The following CAMK2D variants were observed in gnomAD, a reference collection of about 807,000 sequenced individuals.
CAMK2D encodes calcium/calmodulin dependent protein kinase II delta, also known as calcium/calmodulin-dependent protein kinase type II subunit delta.
CAMK2D carries 37 observed loss-of-function variants against 84.0 expected under a neutral mutation model. The ratio of observed to expected loss-of-function variants is 0.44; its 90% CI spans 0.34 to 0.58. The LOEUF is 0.58. Among genes scored for constraint, CAMK2D ranks in the 20% least tolerant of loss-of-function variants. The pLI is 0.02. For missense variants in CAMK2D, 448 were observed against 652.5 expected (o/e 0.69, Z 3.41); for synonymous variants, 202 against 212.5 (o/e 0.95, Z 0.43).
chr4:113,615,797 CT>C (rs1019208204), intron 3 of CAMK2D, among the ~76,000 whole-genome samples: 2 of 151,776 alleles, frequency 1.3e-5, no homozygotes, highest in Admixed American at 6.6e-5. Context: ...TATACTTTGT[CT>C]TTTTTTACTT....
At chr4:113,587,169 T>C (rs1337813676) in intron 4 of CAMK2D, among the ~76,000 whole-genome samples, 1 of 152,170 alleles carries the variant, frequency 6.6e-6, no homozygotes, top group Non-Finnish European at 1.5e-5. Flanking sequence ...CTCAATTTCA[T>C]CTGTAAAGAA....
chr4:113,583,837 C>T (rs1245648135), intron 4 of CAMK2D, among the ~76,000 whole-genome samples: 1 of 152,024 alleles, frequency 6.6e-6, no homozygotes, highest in Non-Finnish European at 1.5e-5. Context: ...ATTAACATCA[C>T]CTGCATGTGC....
intron 3 of CAMK2D, among the ~76,000 whole-genome samples, chr4:113,654,689 T>C (rs1264967149): frequency 6.6e-6 from 1 of 151,974 alleles, no homozygotes; most frequent in Non-Finnish European, 1.5e-5. Context: ...CAATCAACAA[T>C]TTAGGTCTGG....
chr4:113,571,659 A>G (rs953273784), intron 4 of CAMK2D, among the ~76,000 whole-genome samples: 4 of 152,204 alleles, frequency 2.6e-5, no homozygotes, highest in Non-Finnish European at 5.9e-5. Context: ...GGATCACCTG[A>G]GGTCAGGTGT....
rs950733043 is a variant in CAMK2D at position 113,642,505 on chromosome 4, G to A, written c.220+19208C>T. On this transcript the variant is annotated intron_variant, in intron 3 of 20. Transcript: ENST00000511664. ...TCCCACATTCCTCACACATACAAGT[G>A]TCATCAGAAGTGGACAGATGGACAT... 2.6e-5 allele frequency among the ~76,000 whole-genome samples: 4 copies of A among 152,162 alleles called. 1 individual carries two copies. The highest frequency in any genetic ancestry group is 4.4e-5 in the Non-Finnish European group (3 of 68,014).
At chr4:113,754,436 C>G in intron 2 of CAMK2D, 2 of 942,732 alleles carry the variant, frequency 2.1e-6, no homozygotes, top group Non-Finnish European at 2.5e-6. Context: ...TGATTATTAC[C>G]ATTAAAAAGA....
intron 2 of CAMK2D, among the ~76,000 whole-genome samples, chr4:113,684,592 G>A (rs898166731): frequency 7.2e-5 from 11 of 152,150 alleles, no homozygotes; most frequent in African/African-American, 2.4e-4. Context: ...CGGTAACAGC[G>A]TCTAGTCACA....
chr4:113,479,055 A>G lies in CAMK2D; in HGVS notation c.1136-13451T>C, dbSNP rs143671609. On this transcript the variant is annotated intron_variant, in intron 16 of 20. Coordinates refer to ENST00000511664, the MANE Select transcript of CAMK2D (RefSeq NM_001321571.2). ...TTAATAAAGAAACCAATGATCCTGT[A>G]CACAGTCAATTCAAAAACAAATCAT... is the stretch of plus-strand genomic sequence containing the variant. Among the ~76,000 whole-genome samples the G allele has an allele frequency of 2.5e-3, 382 of 152,326 alleles. 2 individuals are homozygous for G. Among genetic ancestry groups the G allele is most frequent in the African/African-American group, 8.5e-3 (354 of 41,574 alleles).
At chr4:113,504,812 T>C (rs1253769878) in intron 14 of CAMK2D, among the ~76,000 whole-genome samples, 164 bp downstream of exon 14, 10 of 144,176 alleles carry the variant, frequency 6.9e-5, no homozygotes, top group Admixed American at 4.1e-4. Flanking sequence ...AGAAATGAAC[T>C]TGGTCATATC....
At chr4:113,589,623 G>C (rs1050017936) in intron 4 of CAMK2D, among the ~76,000 whole-genome samples, 1 of 152,114 alleles carries the variant, frequency 6.6e-6, no homozygotes, top group African/African-American at 2.4e-5. Flanking sequence ...GCCACTAAGA[G>C]GAGTAACTTT....
At chr4:113,584,361 G>C (rs1267184738) in intron 4 of CAMK2D, among the ~76,000 whole-genome samples, 1 of 152,214 alleles carries the variant, frequency 6.6e-6, no homozygotes, top group Non-Finnish European at 1.5e-5. Context: ...GTGAGTTGTA[G>C]AATGTGAAGC....
chr4:113,629,611 T>TTG lies in CAMK2D; in HGVS notation c.221-20406_221-20405insCA, dbSNP rs1358192695. Among the ~76,000 whole-genome samples the TTG allele has an allele frequency of 1.6e-4, 25 of 152,176 alleles. No individual in the cohort carries two copies. The East Asian group carries it at 4.4e-3, about 27-fold the overall frequency. On this transcript the variant is annotated intron_variant, in intron 3 of 20. Transcript: ENST00000511664. ...ATATTTAGTGGTCGTTAAAGGGTCA[T>TTG]AATGCACAGTTTGAAAACATCTAGA...
At chr4:113,485,114 T>C (rs545196378) in intron 16 of CAMK2D, among the ~76,000 whole-genome samples, 14 of 152,228 alleles carry the variant, frequency 9.2e-5, no homozygotes, top group Non-Finnish European at 2.1e-4. Context: ...CTTCAGATTG[T>C]TCTTTTGAAA....
chr4:113,586,242 T>C (rs1333661275), intron 4 of CAMK2D, among the ~76,000 whole-genome samples: 2 of 152,150 alleles, frequency 1.3e-5, no homozygotes, highest in African/African-American at 2.4e-5. Flanking sequence ...CAAAAGGCTA[T>C]CTTTGCAATA....
At chr4:113,579,209 A>G (rs1443366791) in intron 4 of CAMK2D, among the ~76,000 whole-genome samples, 1 of 152,194 alleles carries the variant, frequency 6.6e-6, no homozygotes, top group Non-Finnish European at 1.5e-5. Flanking sequence ...GACAGGTGCT[A>G]TATTATAGTT....
chr4:113,534,892 T>G lies in CAMK2D; in HGVS notation c.517+2449A>C, dbSNP rs181158386. 2.7e-3 allele frequency among the ~76,000 whole-genome samples: 410 copies of G among 152,312 alleles called. 4 individuals are homozygous for G. The highest frequency in any genetic ancestry group is 4.5e-3 in the Non-Finnish European group (307 of 68,020). On this transcript the variant is annotated intron_variant, in intron 7 of 20. Transcript: ENST00000511664. The stretch of plus-strand genomic sequence containing the variant: ...GCTGTTAAGAATCAGAGCCAAGATA[T>G]AAATTCATATATTCTGATTCATAAA...
chr4:113,533,562 T>A (rs1482702530), intron 7 of CAMK2D, among the ~76,000 whole-genome samples: 2 of 151,964 alleles, frequency 1.3e-5, no homozygotes, highest in Non-Finnish European at 2.9e-5. Flanking sequence ...GTATCCATTG[T>A]AACACATTGG....
chr4:113,646,771 G>A (rs374270531), intron 3 of CAMK2D, among the ~76,000 whole-genome samples: 2 of 152,172 alleles, frequency 1.3e-5, no homozygotes, highest in African/African-American at 2.4e-5. Flanking sequence ...CCATCCCCTC[G>A]TTCTCTGAGT....
intron 2 of CAMK2D, among the ~76,000 whole-genome samples, chr4:113,723,171 GTC>G (rs2099536057): frequency 6.6e-6 from 1 of 150,982 alleles, no homozygotes. Flanking sequence ...AGATTACAGT[GTC>G]TAAACACAAG....
Sources: gnomAD v4.1 joint callset for allele counts (sites outside exome capture counted in the v4.1 genomes callset) on GRCh38, gnomAD v4.1.1 for gene constraint, MANE v1.5 for transcripts, NCBI Gene and HGNC (gene_info 2026-07-23, HGNC 2026-07-21) for gene names.